The following ARHGAP24 variants were observed in gnomAD, a reference collection of about 807,000 sequenced individuals.
The protein encoded by ARHGAP24 is rho GTPase-activating protein 24.
A neutral mutation model predicts 76.4 loss-of-function variants in ARHGAP24; 50 were observed. The observed-to-expected ratio is 0.65, with a 90% CI of 0.52 to 0.83. The LOEUF (loss-of-function observed/expected upper bound fraction) is 0.83. Among genes scored for constraint, ARHGAP24 ranks in the 40% least tolerant of loss-of-function variants. The pLI is 0.00. For missense variants in ARHGAP24, 930 were observed against 914.2 expected, an observed-to-expected ratio of 1.02 and a Z score of -0.22; for synonymous variants, 345 against 323.3, an observed-to-expected ratio of 1.07 and a Z score of -0.72.
intron 1 of ARHGAP24, among the ~76,000 whole-genome samples, chr4:85,555,833 C>T (rs1726336411): frequency 6.6e-6 from 1 of 151,524 alleles, no homozygotes; most frequent in Admixed American, 6.6e-5. Context: ...AGCCAGGGGG[C>T]CCTGCATATT....
At chr4:85,553,744 A>G (rs933690484) in intron 1 of ARHGAP24, among the ~76,000 whole-genome samples, 2 of 152,106 alleles carry the variant, frequency 1.3e-5, no homozygotes. Context: ...ACAGCATACC[A>G]TTGGGTCTTG....
chr4:85,894,987 AACAAAAC>A (rs1734077700), intron 3 of ARHGAP24, among the ~76,000 whole-genome samples: 1 of 13,628 alleles, frequency 7.3e-5, no homozygotes, highest in African/African-American at 3.1e-4. Flanking sequence ...AAAAAAAAAA[AACAAAAC>A]AAAAAGCAAA....
intron 3 of ARHGAP24, among the ~76,000 whole-genome samples, chr4:85,740,999 T>C (rs950283152): frequency 1.5e-4 from 23 of 152,238 alleles, no homozygotes; most frequent in Non-Finnish European, 7.3e-5. Flanking sequence ...AACAATGCTA[T>C]AATTTAAGGA....
intron 1 of ARHGAP24, among the ~76,000 whole-genome samples, chr4:85,548,908 A>G (rs1726019220): frequency 6.6e-6 from 1 of 152,064 alleles, no homozygotes; most frequent in South Asian, 2.1e-4. Context: ...CTATTTATGG[A>G]ATCGTGCAGT....
intron 3 of ARHGAP24, among the ~76,000 whole-genome samples, chr4:85,824,950 T>G (rs1729643262): frequency 6.6e-6 from 1 of 151,878 alleles, no homozygotes; most frequent in Non-Finnish European, 1.5e-5. Context: ...ATTAGCCAGG[T>G]GTGATGGCAT....
chr4:85,808,891 T>C (rs1728899644), intron 3 of ARHGAP24, among the ~76,000 whole-genome samples: 1 of 151,986 alleles, frequency 6.6e-6, no homozygotes, highest in Admixed American at 6.6e-5. Context: ...ATTTAAAAGA[T>C]TAGTCTATCA....
intron 3 of ARHGAP24, among the ~76,000 whole-genome samples, chr4:85,907,499 G>A (rs981367691): frequency 2.6e-5 from 4 of 151,936 alleles, no homozygotes; most frequent in Non-Finnish European, 5.9e-5. Context: ...TTCTCTTTTT[G>A]GTTAGCTCCT....
At chr4:85,750,370 G>A (rs749141550) in intron 3 of ARHGAP24, among the ~76,000 whole-genome samples, 17 of 151,934 alleles carry the variant, frequency 1.1e-4, no homozygotes, top group Non-Finnish European at 2.4e-4. Context: ...CCAGGAGACT[G>A]GGAGGGTCAA....
At chr4:85,676,897 A>T (rs1722999648) in intron 2 of ARHGAP24, among the ~76,000 whole-genome samples, 1 of 152,196 alleles carries the variant, frequency 6.6e-6, no homozygotes, top group Non-Finnish European at 1.5e-5. Context: ...TTCCAGTGTC[A>T]TTAAAAGAAA....
At chr4:85,873,122 C>T (rs988335478) in intron 3 of ARHGAP24, among the ~76,000 whole-genome samples, 3 of 152,122 alleles carry the variant, frequency 2.0e-5, no homozygotes, top group Non-Finnish European at 4.4e-5. Flanking sequence ...TTACTGGCAG[C>T]ATGAGGGAGT....
At chr4:85,608,551 G>GTTTTTTTTTTTTTTTTTTTTTTTT (rs141361475) in intron 2 of ARHGAP24, among the ~76,000 whole-genome samples, 1 of 73,186 alleles carries the variant, frequency 1.4e-5, no homozygotes, top group Non-Finnish European at 2.4e-5. Flanking sequence ...TTGTTTGGTT[G>GTTTTTTTTTTTTTTTTTTTTTTTT]TTTTTTTTTT....
intron 2 of ARHGAP24, among the ~76,000 whole-genome samples, chr4:85,683,121 G>GC (rs1560583940): frequency 2.4e-4 from 28 of 115,376 alleles, no homozygotes; most frequent in Admixed American, 6.5e-4. Context: ...GGGGGGTGGG[G>GC]GGGGGGTGCG....
At chr4:85,512,002 G>T (rs1051391804) in intron 1 of ARHGAP24, among the ~76,000 whole-genome samples, 1 of 152,304 alleles carries the variant, frequency 6.6e-6, no homozygotes, top group South Asian at 2.1e-4. Context: ...GAGGACATCA[G>T]TCATGTTGCA....
chr4:85,954,745 C>T (rs1048284819), intron 5 of ARHGAP24, among the ~76,000 whole-genome samples: 56 of 152,344 alleles, frequency 3.7e-4, no homozygotes, highest in African/African-American at 1.3e-3. Context: ...CAGTGTCTCA[C>T]GCCTGTAATC....
chr4:85,833,622 A>C (rs1055835982), intron 3 of ARHGAP24, among the ~76,000 whole-genome samples: 1 of 152,236 alleles, frequency 6.6e-6, no homozygotes, highest in Non-Finnish European at 1.5e-5. Flanking sequence ...GCTTTGAAAA[A>C]TTGCAAAGGA....
At chr4:85,653,968 T>C (rs1266117849) in intron 2 of ARHGAP24, among the ~76,000 whole-genome samples, 1 of 151,798 alleles carries the variant, frequency 6.6e-6, no homozygotes, top group Non-Finnish European at 1.5e-5. Flanking sequence ...ATTCCTTATA[T>C]TATTAATAAT....
At chr4:85,662,826 G>A (rs1722453388) in intron 2 of ARHGAP24, among the ~76,000 whole-genome samples, 1 of 152,100 alleles carries the variant, frequency 6.6e-6, no homozygotes, top group African/African-American at 2.4e-5. Context: ...TCAGATAGTT[G>A]TAGATATGCG....
In ARHGAP24 at chr4:85,547,065, G is replaced by A. The variant is rs144426619; in HGVS notation, c.-20-23457G>A. On this transcript the variant is annotated intron_variant, in intron 1 of 9. Transcript: ENST00000395184. ...TATGAAATGATCAAAAAAAGAAAAT[G>A]TAACATGAATACAATATTATCTATT... is the stretch of plus-strand genomic sequence containing the variant. Among the ~76,000 whole-genome samples the A allele has an allele frequency of 3.0e-3, 460 of 152,198 alleles. 3 individuals carry two copies. The highest frequency in any genetic ancestry group is 0.011 in the African/African-American group (445 of 41,524).
At chr4:85,997,573 T>C (rs1740753666) in intron 9 of ARHGAP24, among the ~76,000 whole-genome samples, 1 of 152,188 alleles carries the variant, frequency 6.6e-6, no homozygotes, top group Non-Finnish European at 1.5e-5. Context: ...TATCAGTCAG[T>C]GAGATATATG....
Sources: gnomAD v4.1 joint callset for allele counts (sites outside exome capture counted in the v4.1 genomes callset) on GRCh38, gnomAD v4.1.1 for gene constraint, MANE v1.5 for transcripts, NCBI Gene and HGNC (gene_info 2026-07-23, HGNC 2026-07-21) for gene names.